NOTCH2NLC: variants seen among roughly 807,000 people sequenced by gnomAD.
NOTCH2NLC encodes notch 2 N-terminal like C.
A neutral mutation model predicts 17.7 loss-of-function variants in NOTCH2NLC; 4 were observed. The ratio of observed to expected loss-of-function variants is 0.23; its 90% CI spans 0.11 to 0.52. The LOEUF is 0.52. NOTCH2NLC is among the 20% of genes least tolerant of loss of function. The pLI, the probability that NOTCH2NLC is intolerant of heterozygous loss-of-function variation, is 0.96. For missense variants in NOTCH2NLC, 57 were observed against 207.2 expected, an observed-to-expected ratio of 0.28 and a Z score of 4.45; for synonymous variants, 18 against 86.0, an observed-to-expected ratio of 0.21 and a Z score of 4.38.
intron 1 of NOTCH2NLC, among the ~76,000 whole-genome samples, chr1:149,420,181 T>C (rs1410230696): frequency 3.3e-5 from 5 of 150,218 alleles, no homozygotes; most frequent in African/African-American, 1.2e-4. Context: ...TTTAGGGCTA[T>C]ATTTTATGTT....
At chr1:149,451,787 TG>T (rs2084592309) in intron 2 of NOTCH2NLC, among the ~76,000 whole-genome samples, 1 of 84,486 alleles carries the variant, frequency 1.2e-5, no homozygotes, top group Non-Finnish European at 2.4e-5. Context: ...CTCTGTGTTA[TG>T]GCCTTTGCAT....
intron 2 of NOTCH2NLC, among the ~76,000 whole-genome samples, chr1:149,433,819 G>C (rs1184121337): frequency 6.9e-6 from 1 of 145,878 alleles, no homozygotes; most frequent in Non-Finnish European, 1.5e-5. Flanking sequence ...GTGGTGGCAC[G>C]CACCTGTAAT....
chr1:149,406,667 G>GTC lies in NOTCH2NLC; in HGVS notation c.135+15748_135+15749dup, dbSNP rs2084271174. Among the ~76,000 whole-genome samples the GTC allele has an allele frequency of 1.1e-4, 16 of 151,022 alleles. No homozygotes were observed. The South Asian group carries it at 3.4e-3, about 32-fold the overall frequency. On this transcript the variant is annotated intron_variant, in intron 1 of 4. Transcript: ENST00000650865. ...TAGACAAGCCACTTAACTTCTTTAA[G>GTC]TCTCAGTATCCGTATTTATATAATG...
intron 1 of NOTCH2NLC, among the ~76,000 whole-genome samples, chr1:149,421,597 A>T (rs1488802836): frequency 2.9e-4 from 38 of 132,280 alleles, no homozygotes; most frequent in African/African-American, 1.0e-3. Context: ...GTACAAATAC[A>T]GATAGTGGAA....
chr1:149,423,564 T>C (rs2101482597), intron 1 of NOTCH2NLC, among the ~76,000 whole-genome samples: 1 of 148,274 alleles, frequency 6.7e-6, no homozygotes, highest in African/African-American at 2.5e-5. Flanking sequence ...ACTGAGCCTC[T>C]TCCAGAGGCC....
At chr1:149,395,983 A>G (rs1173144289) in intron 1 of NOTCH2NLC, among the ~76,000 whole-genome samples, 1 of 150,944 alleles carries the variant, frequency 6.6e-6, no homozygotes, top group Non-Finnish European at 1.5e-5. Context: ...TCTTCTCTGT[A>G]CTACAGAACT....
At position 149,460,927 on chromosome 1, in the gene NOTCH2NLC, C is replaced by G. The variant is rs1258381041; in HGVS notation, c.470-2564C>G. The stretch of plus-strand genomic sequence containing the variant: ...TCTTTCTTTCTTTCTCTCTCTTTCT[C>G]TCTTTCTCTCTCTTTCCCTCTCTCT... On this transcript the variant is annotated intron_variant, in intron 3 of 4. Transcript: ENST00000650865. Among the ~76,000 whole-genome samples the G allele has an allele frequency of 3.6e-4, 48 of 134,958 alleles. 2 individuals carry two copies. The highest frequency in any genetic ancestry group is 5.6e-4 in the Non-Finnish European group (35 of 62,268). The allele number at this position is 134,958 out of a possible 152,430, so 88.5% of individuals were successfully genotyped here. A position where few individuals can be genotyped will look rare whatever the true frequency, so the allele number is the denominator to read the frequency against.
chr1:149,460,836 ATTCT>A (rs1162232554), intron 3 of NOTCH2NLC, among the ~76,000 whole-genome samples: 6 of 142,678 alleles, frequency 4.2e-5, no homozygotes, highest in East Asian at 4.4e-4. Flanking sequence ...TTCAGGGTTG[ATTCT>A]TTCTTTCTTT....
At chr1:149,417,540 A>G (rs1272022969) in intron 1 of NOTCH2NLC, among the ~76,000 whole-genome samples, 1 of 151,238 alleles carries the variant, frequency 6.6e-6, no homozygotes, top group Non-Finnish European at 1.5e-5. Context: ...CAAGGCCCTT[A>G]TTTCTTTGAG....
At chr1:149,417,097 C>CTTTTTTTTTTTT (rs1171555647) in intron 1 of NOTCH2NLC, among the ~76,000 whole-genome samples, 2 of 69,570 alleles carry the variant, frequency 2.9e-5, no homozygotes, top group Admixed American at 2.0e-4. Context: ...TCAGGTTTTC[C>CTTTTTTTTTTTT]TTTTTTTTTT....
At chr1:149,420,173 T>C (rs1158663487) in intron 1 of NOTCH2NLC, among the ~76,000 whole-genome samples, 2 of 150,282 alleles carry the variant, frequency 1.3e-5, no homozygotes, top group East Asian at 2.0e-4. Flanking sequence ...CCTGGCCGTT[T>C]AGGGCTATAT....
intron 1 of NOTCH2NLC, among the ~76,000 whole-genome samples, chr1:149,395,439 ATTTC>A (rs2084199476): frequency 1.4e-5 from 2 of 139,982 alleles, no homozygotes; most frequent in African/African-American, 5.3e-5. Flanking sequence ...GTAATTTTGA[ATTTC>A]TTTGTGTGTG....
At chr1:149,433,143 G>A (rs1488570517) in intron 2 of NOTCH2NLC, among the ~76,000 whole-genome samples, 1 of 148,654 alleles carries the variant, frequency 6.7e-6, no homozygotes, top group Non-Finnish European at 1.5e-5. Context: ...CATGGATGAA[G>A]CTGGAAGCCA....
chr1:149,427,206 C>A (rs1284010754), intron 1 of NOTCH2NLC, among the ~76,000 whole-genome samples: 1 of 150,504 alleles, frequency 6.6e-6, no homozygotes, highest in Non-Finnish European at 1.5e-5. Flanking sequence ...ATTCACCACT[C>A]TATGCAATAT....
At position 149,471,563 on chromosome 1, in the gene NOTCH2NLC, C is replaced by G. The variant is rs1274477144; in HGVS notation, c.*7410C>G. ...AGGACCATTTGTTGAATTAAGTGCC[C>G]AGAACAAGTACATCTATATATAGAG... On this transcript the variant is annotated 3_prime_UTR_variant, in exon 5 of 5. Transcript: ENST00000650865. Among the ~76,000 whole-genome samples, 2 of 149,956 alleles carry G rather than the reference C, an allele frequency of 1.3e-5. No homozygotes were observed. The highest frequency in any genetic ancestry group is 3.0e-5 in the Non-Finnish European group (2 of 67,282).
At chr1:149,462,256 T>TTTTCTC (rs2084654776) in intron 3 of NOTCH2NLC, among the ~76,000 whole-genome samples, 1 of 141,010 alleles carries the variant, frequency 7.1e-6, no homozygotes. Context: ...GAGGATATTT[T>TTTTCTC]TTTCTCTTTC....
chr1:149,396,222 AT>A (rs1455100585), intron 1 of NOTCH2NLC, among the ~76,000 whole-genome samples: 1 of 134,408 alleles, frequency 7.4e-6, no homozygotes, highest in East Asian at 2.2e-4. Flanking sequence ...AGTGGCTGAA[AT>A]TTTCCTCTTT....
intron 1 of NOTCH2NLC, among the ~76,000 whole-genome samples, chr1:149,405,408 TTTAC>T (rs2084262852): frequency 6.9e-6 from 1 of 145,216 alleles, no homozygotes; most frequent in African/African-American, 2.6e-5. Flanking sequence ...GACAAAAGAC[TTTAC>T]TTGTTTCCTT....
chr1:149,424,736 T>G (rs1162410833), intron 1 of NOTCH2NLC, among the ~76,000 whole-genome samples: 5 of 151,460 alleles, frequency 3.3e-5, no homozygotes, highest in African/African-American at 7.3e-5. Context: ...TAGCTTTGCA[T>G]ATTGTACAAG....
Sources: gnomAD v4.1 joint callset for allele counts (sites outside exome capture counted in the v4.1 genomes callset) on GRCh38, gnomAD v4.1.1 for gene constraint, MANE v1.5 for transcripts, NCBI Gene and HGNC (gene_info 2026-07-23, HGNC 2026-07-21) for gene names.